The following ADCY8 variants were observed in gnomAD, a reference collection of about 807,000 sequenced individuals.
The protein encoded by ADCY8 is adenylate cyclase 8.
ADCY8 carries 51 observed loss-of-function variants against 119.7 expected under a neutral mutation model. That is an observed-to-expected ratio of 0.43 (90% confidence interval 0.34 to 0.54). The LOEUF (loss-of-function observed/expected upper bound fraction) is 0.54. Ranked by LOEUF, ADCY8 falls within the 20% of genes least tolerant of loss-of-function variation. The pLI, the probability that ADCY8 is intolerant of heterozygous loss-of-function variation, is 0.03. For synonymous variants in ADCY8, 665 were observed against 651.0 expected (o/e 1.02, Z -0.33); for missense variants, 1,383 against 1,598.8 (o/e 0.87, Z 2.30).
intron 11 of ADCY8, among the ~76,000 whole-genome samples, chr8:130,846,707 T>C (rs1817316183): frequency 7.5e-6 from 1 of 132,526 alleles, no homozygotes; most frequent in Non-Finnish European, 1.6e-5. Context: ...CTTACTACCT[T>C]CCGTCCTTCC....
chr8:130,997,528 A>T (rs951778226), intron 1 of ADCY8, among the ~76,000 whole-genome samples: 1 of 152,198 alleles, frequency 6.6e-6, no homozygotes, highest in Admixed American at 6.6e-5. Context: ...AAACTTATGC[A>T]GCCAGTAGAA....
intron 3 of ADCY8, 35 bp from the exon 4 acceptor site, chr8:130,943,497 G>GGGCCCC: frequency 6.1e-6 from 3 of 491,342 alleles, no homozygotes; most frequent in East Asian, 5.4e-5. Flanking sequence ...GTGGGGGGAG[G>GGGCCCC]AAGTATATTA....
chr8:130,899,497 T>C (rs34673547), intron 7 of ADCY8, among the ~76,000 whole-genome samples: 76,041 of 151,660 alleles, frequency 0.5, 19,799 homozygotes, highest in East Asian at 0.63. Flanking sequence ...TCTCAGCTAC[T>C]TAAGAGGCTG....
chr8:130,890,377 TAAG>T (rs1380568492), intron 7 of ADCY8, among the ~76,000 whole-genome samples: 1 of 152,032 alleles, frequency 6.6e-6, no homozygotes, highest in African/African-American at 2.4e-5. Flanking sequence ...AATAAAAAAA[TAAG>T]AAGATTGTCC....
At chr8:130,979,604 G>T (rs983722137) in intron 2 of ADCY8, among the ~76,000 whole-genome samples, 1 of 152,168 alleles carries the variant, frequency 6.6e-6, no homozygotes, top group Non-Finnish European at 1.5e-5. Context: ...ATAATAATTG[G>T]TTATATGGGC....
intron 1 of ADCY8, among the ~76,000 whole-genome samples, chr8:131,010,990 A>G (rs537177715): frequency 5.2e-4 from 79 of 152,320 alleles, no homozygotes; most frequent in African/African-American, 1.9e-3. Context: ...GTTAGGTTTC[A>G]CCTAAGTTAC....
intron 2 of ADCY8, among the ~76,000 whole-genome samples, chr8:130,980,980 C>A (rs143034684): frequency 8.6e-4 from 131 of 152,314 alleles, no homozygotes; most frequent in African/African-American, 2.9e-3. Context: ...AAGTCTACCC[C>A]CCACGTCTGC....
Position 131,039,952 on chromosome 8 carries a change from C to G in ADCY8, c.382G>C (p.Gly128Arg). ...ASGSGGGGDL[G>R]FLHLDCAPSN... ...GGGGCACAGTCAAGGTGCAGGAAGC[C>G]CAGGTCGCCCCCGCCTCCGCTGCCG... Residue 128 changes from glycine to arginine, a missense_variant, in exon 1 of 18, where the codon GGC (glycine) becomes CGC (arginine). Coordinates refer to ENST00000286355, the MANE Select transcript of ADCY8 (RefSeq NM_001115.3). The G allele has an allele frequency of 6.3e-7, 1 of 1,593,024 alleles. No individual in the cohort carries two copies.
chr8:130,925,200 T>A (rs1451493299), intron 5 of ADCY8, among the ~76,000 whole-genome samples: 1 of 152,046 alleles, frequency 6.6e-6, no homozygotes, highest in Non-Finnish European at 1.5e-5. Context: ...AGTGAGACTC[T>A]GTCTCAAAAA....
rs6997062 is a variant in ADCY8 at position 130,824,155 on chromosome 8, A to G, written c.2676-2735T>C. 1.6e-3 allele frequency among the ~76,000 whole-genome samples: 238 copies of G among 152,278 alleles called. 2 individuals carry two copies. Among genetic ancestry groups the G allele is most frequent in the East Asian group, 5.0e-3 (26 of 5,184 alleles). The stretch of plus-strand genomic sequence containing the variant: ...TTCATTATAGCACATTTGACCCCGA[A>G]TTTTTAGTTTATTATTAGTTCCCAA... On this transcript the variant is annotated intron_variant, in intron 12 of 17. Coordinates refer to ENST00000286355, the MANE Select transcript of ADCY8 (RefSeq NM_001115.3).
At chr8:131,010,620 A>G (rs1328616672) in intron 1 of ADCY8, among the ~76,000 whole-genome samples, 1 of 152,242 alleles carries the variant, frequency 6.6e-6, no homozygotes, top group African/African-American at 2.4e-5. Context: ...GAGGAAATAA[A>G]GCACTTTAAA....
chr8:131,039,200 T>C (rs1328679214), intron 1 of ADCY8, among the ~76,000 whole-genome samples, 174 bp downstream of exon 1: 1 of 152,188 alleles, frequency 6.6e-6, no homozygotes, highest in Non-Finnish European at 1.5e-5. Context: ...TTAGTTCCAC[T>C]TTAAGAAGAG....
intron 16 of ADCY8, among the ~76,000 whole-genome samples, chr8:130,784,154 G>A (rs770451491): frequency 2.0e-4 from 30 of 152,004 alleles, no homozygotes; most frequent in Non-Finnish European, 3.5e-4. Flanking sequence ...GTGTGTGGGC[G>A]TGTGGGTGGC....
chr8:130,999,180 C>T (rs1822867876), intron 1 of ADCY8, among the ~76,000 whole-genome samples: 1 of 152,174 alleles, frequency 6.6e-6, no homozygotes, highest in African/African-American at 2.4e-5. Context: ...GTGAATCTAA[C>T]TGAGTTGACA....
At chr8:130,933,315 T>C (rs1296817423) in intron 5 of ADCY8, among the ~76,000 whole-genome samples, 3 of 152,248 alleles carry the variant, frequency 2.0e-5, no homozygotes, top group African/African-American at 7.2e-5. Flanking sequence ...TGCAGCTGAA[T>C]AAAAAATTCC....
At chr8:130,785,342 A>T in intron 16 of ADCY8, 41 bp downstream of exon 16, 1 of 1,421,174 alleles carries the variant, frequency 7.0e-7, no homozygotes. Context: ...CAACAGCAAG[A>T]CCCCACCATG....
chr8:130,817,658 A>G (rs1305553943), intron 13 of ADCY8, among the ~76,000 whole-genome samples: 1 of 152,208 alleles, frequency 6.6e-6, no homozygotes, highest in Non-Finnish European at 1.5e-5. Flanking sequence ...AACACAGAGA[A>G]TATGGTAAAA....
intron 1 of ADCY8, among the ~76,000 whole-genome samples, chr8:131,020,451 CT>C (rs1823629360): frequency 6.6e-6 from 1 of 152,108 alleles, no homozygotes; most frequent in African/African-American, 2.4e-5. Flanking sequence ...GCCTTCTGAG[CT>C]TTCTGTCTTG....
chr8:130,998,897 C>T (rs1478520720), intron 1 of ADCY8, among the ~76,000 whole-genome samples: 3 of 152,120 alleles, frequency 2.0e-5, no homozygotes, highest in Non-Finnish European at 4.4e-5. Flanking sequence ...CATACTGAGA[C>T]CCACTGAATA....
Sources: allele counts gnomAD v4.1 joint callset (sites outside exome capture counted in the v4.1 genomes callset), GRCh38; gene constraint gnomAD v4.1.1; transcripts MANE v1.5; gene names NCBI Gene and HGNC (gene_info 2026-07-23, HGNC 2026-07-21).